The following GPBP1 variants were observed in gnomAD, a reference collection of about 807,000 sequenced individuals.
GPBP1 encodes GC-rich promoter binding protein 1, also known as vasculin.
Under a neutral mutation model 56.5 loss-of-function variants are expected in GPBP1, and 13 were observed. The observed-to-expected ratio is 0.23, with a 90% confidence interval of 0.15 to 0.37. The LOEUF (loss-of-function observed/expected upper bound fraction) is 0.37. Among genes scored for constraint, GPBP1 ranks in the 10% least tolerant of loss-of-function variants. GPBP1 has a pLI of 1.00. For synonymous variants in GPBP1, 204 were observed against 188.9 expected (o/e 1.08, Z -0.66); for missense variants, 477 against 572.3 (o/e 0.83, Z 1.70).
intron 10 of GPBP1, among the ~76,000 whole-genome samples, chr5:57,257,698 T>C (rs1002162286): frequency 6.6e-6 from 1 of 152,066 alleles, no homozygotes; most frequent in African/African-American, 2.4e-5. Context: ...CAAGTAATCC[T>C]CATGCCCTGG....
intron 10 of GPBP1, among the ~76,000 whole-genome samples, chr5:57,255,868 G>C (rs1741634745): frequency 6.6e-6 from 1 of 152,188 alleles, no homozygotes; most frequent in African/African-American, 2.4e-5. Flanking sequence ...GTGGAAGAGA[G>C]ACTTTAGTTT....
chr5:57,199,282 A>AT (rs1277018427), intron 2 of GPBP1, among the ~76,000 whole-genome samples: 1 of 152,094 alleles, frequency 6.6e-6, no homozygotes, highest in East Asian at 1.9e-4. Context: ...GTTTCTGACT[A>AT]TTTTTTATAG....
At chr5:57,244,440 C>T (rs1376688738) in intron 6 of GPBP1, among the ~76,000 whole-genome samples, 1 of 152,184 alleles carries the variant, frequency 6.6e-6, no homozygotes, top group East Asian at 1.9e-4. Context: ...CATGTTTAAA[C>T]TTACTTAGTT....
intron 6 of GPBP1, among the ~76,000 whole-genome samples, chr5:57,240,241 A>T (rs556651298): frequency 6.6e-6 from 1 of 152,204 alleles, no homozygotes; most frequent in African/African-American, 2.4e-5. Flanking sequence ...ACAGAGCAAG[A>T]CTCTTTCTCC....
intron 6 of GPBP1, among the ~76,000 whole-genome samples, chr5:57,240,974 G>A (rs961590384): frequency 1.3e-5 from 2 of 151,162 alleles, no homozygotes; most frequent in Non-Finnish European, 3.0e-5. Context: ...AAAAAAAAAG[G>A]CATTGTTAAG....
chr5:57,177,873 A>C (rs1561316159), intron 2 of GPBP1, among the ~76,000 whole-genome samples: 1 of 148,088 alleles, frequency 6.8e-6, no homozygotes, highest in South Asian at 2.1e-4. Context: ...TTTTGAACCA[A>C]TTTTTTTTTT....
chr5:57,209,739 T>G (rs190304542), intron 2 of GPBP1, among the ~76,000 whole-genome samples: 1 of 152,332 alleles, frequency 6.6e-6, no homozygotes, highest in East Asian at 1.9e-4. Flanking sequence ...CTGCATCAAT[T>G]AAGATGATCG....
intron 2 of GPBP1, among the ~76,000 whole-genome samples, chr5:57,210,282 T>G (rs1370754326): frequency 6.6e-6 from 1 of 152,216 alleles, no homozygotes; most frequent in Non-Finnish European, 1.5e-5. Flanking sequence ...GGGGAAATTT[T>G]TATTCTTCAT....
chr5:57,207,103 C>T (rs967892837), intron 2 of GPBP1, among the ~76,000 whole-genome samples: 1 of 151,864 alleles, frequency 6.6e-6, no homozygotes, highest in African/African-American at 2.4e-5. Context: ...GACTTTGTCT[C>T]GAAAAATAAT....
chr5:57,248,419 ATTTTTTTTTTTT>A (rs70999069), intron 8 of GPBP1, among the ~76,000 whole-genome samples: 28,421 of 100,094 alleles, frequency 0.28, 3,567 homozygotes, highest in Middle Eastern at 0.39. Flanking sequence ...CTCATATACT[ATTTTTTTTTTTT>A]TTTTTTTTTT....
intron 2 of GPBP1, among the ~76,000 whole-genome samples, chr5:57,209,708 A>C (rs926980986): frequency 6.6e-6 from 1 of 152,156 alleles, no homozygotes; most frequent in African/African-American, 2.4e-5. Context: ...AAAGGGTGCT[A>C]GATTTTGTCA....
intron 11 of GPBP1, 123 bp downstream of exon 11, chr5:57,261,405 TAA>T (rs372962564): frequency 6.1e-5 from 29 of 472,992 alleles, no homozygotes; most frequent in Non-Finnish European, 6.9e-5. Flanking sequence ...GAATTGCTTT[TAA>T]AAAAAAAAAG....
At chr5:57,210,756 C>T (rs1755441436) in intron 2 of GPBP1, among the ~76,000 whole-genome samples, 1 of 152,152 alleles carries the variant, frequency 6.6e-6, no homozygotes, top group Non-Finnish European at 1.5e-5. Context: ...GAGGCATCAG[C>T]AGAGGGTTGG....
chr5:57,186,577 TG>T (rs925750777), intron 2 of GPBP1, among the ~76,000 whole-genome samples: 1 of 152,006 alleles, frequency 6.6e-6, no homozygotes, highest in East Asian at 1.9e-4. Flanking sequence ...GTTCACTTTT[TG>T]GGGGGTGGGG....
chr5:57,264,486 T>A lies in GPBP1; in HGVS notation c.*1734T>A, dbSNP rs567823114. ...TGAGGAATGTGGTTTACATTTGAGATCCACCTTACTGTGTTTTCTACTTTC... is the reference window on the plus strand; with the variant it reads ...TGAGGAATGTGGTTTACATTTGAGAACCACCTTACTGTGTTTTCTACTTTC... On this transcript the variant is annotated 3_prime_UTR_variant, in exon 12 of 12. Coordinates refer to ENST00000506184, the MANE Select transcript of GPBP1 (RefSeq NM_022913.4). 2 of 152,202 alleles carry A rather than the reference T, an allele frequency of 1.3e-5. No homozygotes were observed. The highest frequency in any genetic ancestry group is 2.9e-5 in the Non-Finnish European group (2 of 68,018). 9.4% of individuals were successfully genotyped at this position (152,202 alleles called of 1,614,324 possible).
chr5:57,216,585 C>A (rs1269500792), intron 3 of GPBP1, among the ~76,000 whole-genome samples: 1 of 151,840 alleles, frequency 6.6e-6, no homozygotes, highest in African/African-American at 2.4e-5. Context: ...TAGCTAGGTG[C>A]GGTGGCATGA....
intron 6 of GPBP1, chr5:57,245,634 A>G (rs1741055209): frequency 1.3e-5 from 2 of 152,220 alleles, no homozygotes; most frequent in Non-Finnish European, 2.9e-5. Flanking sequence ...AATAATAGGT[A>G]TTTTTGGCAA....
intron 10 of GPBP1, among the ~76,000 whole-genome samples, chr5:57,256,673 G>C (rs116227316): frequency 0.011 from 1,747 of 152,262 alleles, 31 homozygotes; most frequent in African/African-American, 0.04. Context: ...CCGCTAGTTG[G>C]AATAGAGGGA....
intron 2 of GPBP1, among the ~76,000 whole-genome samples, chr5:57,183,557 C>T (rs1754154004): frequency 6.6e-6 from 1 of 151,946 alleles, no homozygotes; most frequent in South Asian, 2.1e-4. Context: ...GTGGGAGGGT[C>T]ACTTGAGTCC....
Sources: allele counts gnomAD v4.1 joint callset (sites outside exome capture counted in the v4.1 genomes callset), GRCh38; gene constraint gnomAD v4.1.1; transcripts MANE v1.5; gene names NCBI Gene and HGNC (gene_info 2026-07-23, HGNC 2026-07-21).